The following KLHL1 variants were observed in gnomAD, a reference collection of about 807,000 sequenced individuals.
KLHL1 encodes kelch like family member 1.
In KLHL1, 47 loss-of-function variants were observed where a neutral mutation model predicts 77.7. The observed-to-expected ratio is 0.60, with a 90% CI of 0.48 to 0.77. KLHL1 has a LOEUF of 0.77. KLHL1 is among the 30% of genes least tolerant of loss of function. KLHL1 has a pLI of 0.00. For synonymous variants in KLHL1, 360 were observed against 325.2 expected (o/e 1.11, Z -1.15); for missense variants, 925 against 910.8 (o/e 1.02, Z -0.20).
At chr13:69,839,564 A>G (rs1263693000) in intron 5 of KLHL1, among the ~76,000 whole-genome samples, 4 of 152,010 alleles carry the variant, frequency 2.6e-5, no homozygotes, top group Admixed American at 2.6e-4. Flanking sequence ...AGCTTACTGT[A>G]AGTGTTCATA....
chr13:69,741,916 A>G (rs1053760803), intron 7 of KLHL1, among the ~76,000 whole-genome samples: 2 of 152,174 alleles, frequency 1.3e-5, no homozygotes, highest in Non-Finnish European at 2.9e-5. Flanking sequence ...CTATAAAACT[A>G]CTTTTTGAAA....
At chr13:69,775,258 A>AG (rs1206077121) in intron 7 of KLHL1, among the ~76,000 whole-genome samples, 7 of 152,266 alleles carry the variant, frequency 4.6e-5, no homozygotes, top group African/African-American at 1.7e-4. Flanking sequence ...AGATGGAGCA[A>AG]GGTTACACTG....
At chr13:70,074,891 AT>A (rs550370393) in intron 1 of KLHL1, among the ~76,000 whole-genome samples, 112 of 152,170 alleles carry the variant, frequency 7.4e-4, no homozygotes, top group African/African-American at 2.6e-3. Context: ...CTGTAGACAA[AT>A]TCCTATAATA....
intron 1 of KLHL1, among the ~76,000 whole-genome samples, chr13:70,031,978 G>A (rs1886112855): frequency 6.6e-6 from 1 of 152,092 alleles, no homozygotes; most frequent in Non-Finnish European, 1.5e-5. Flanking sequence ...ATGATATTTA[G>A]GTTGAGAAAG....
intron 1 of KLHL1, among the ~76,000 whole-genome samples, chr13:70,103,057 A>T (rs1188431209): frequency 6.6e-6 from 1 of 152,172 alleles, no homozygotes; most frequent in African/African-American, 2.4e-5. Context: ...TATTCTAAGA[A>T]GACAAAACAC....
In KLHL1 at chr13:69,867,543, C is replaced by T. The variant is rs573497609; in HGVS notation, c.1227+14740G>A. Among the ~76,000 whole-genome samples, 12 of 151,938 alleles carry T rather than the reference C, an allele frequency of 7.9e-5. No homozygotes were observed. In the East Asian group the frequency reaches 2.3e-3, roughly 30 times the overall value. On this transcript the variant is annotated intron_variant, in intron 5 of 10. Coordinates refer to ENST00000377844, the MANE Select transcript of KLHL1 (RefSeq NM_020866.3). ...AAAAAACAAATTTTCAGTCAGTTGA[C>T]ACTTGATAATTATTTTTTAAATGTT...
chr13:69,708,767 T>G (rs1593761373), intron 9 of KLHL1, among the ~76,000 whole-genome samples: 1 of 151,900 alleles, frequency 6.6e-6, no homozygotes, highest in East Asian at 1.9e-4. Flanking sequence ...CAATTGCAGG[T>G]TCAGATACAA....
Position 69,940,105 on chromosome 13 carries a change from T to A in KLHL1, c.949A>T (p.Ile317Phe). 1 of 1,613,218 alleles carries A rather than the reference T, an allele frequency of 6.2e-7. No individual in the cohort carries two copies. The highest frequency in any genetic ancestry group is 8.5e-7 in the Non-Finnish European group (1 of 1,179,562). Residue 317 changes from isoleucine (I) to phenylalanine (F), a missense_variant, in exon 4 of 11, where the codon ATT becomes TTT. By Grantham distance (21) the Ile-to-Phe change is conservative. Coordinates refer to ENST00000377844, the MANE Select transcript of KLHL1 (RefSeq NM_020866.3). ...KLLHPSNCLG[I>F]RAFADAQGCI... ...CCTTGAGCATCTGCGAAGGCTCGAA[T>A]TCCTAAACAGTTAGATGGATGCAAA...
chr13:69,982,430 C>T (rs951564739), intron 1 of KLHL1, among the ~76,000 whole-genome samples: 2 of 137,128 alleles, frequency 1.5e-5, no homozygotes, highest in Non-Finnish European at 3.1e-5. Flanking sequence ...AGCAAGACTC[C>T]ATCTCCAAAT....
At position 70,108,131 on chromosome 13, in the gene KLHL1, C is replaced by T. The variant is rs1477852677; in HGVS notation, c.-432G>A. 3 of 404,014 alleles carry T rather than the reference C, an allele frequency of 7.4e-6. No individual in the cohort carries two copies. The highest frequency in any genetic ancestry group is 1.3e-5 in the Non-Finnish European group (3 of 229,538). 25.0% of individuals were successfully genotyped at this position (404,014 alleles called of 1,614,324 possible). On this transcript the variant is annotated 5_prime_UTR_variant, in exon 1 of 11. Transcript: ENST00000377844. ...TCACTGGGATGCGCTTGTGGCAGAG[C>T]CTTAGTAGGGAAGGTGGTGGCGTTC... is the stretch of plus-strand genomic sequence containing the variant.
intron 1 of KLHL1, among the ~76,000 whole-genome samples, chr13:70,061,388 T>C (rs1394001530): frequency 7.3e-6 from 1 of 136,234 alleles, no homozygotes; most frequent in Non-Finnish European, 1.6e-5. Context: ...AATTTTCTTT[T>C]ATTTTGGGTT....
intron 2 of KLHL1, among the ~76,000 whole-genome samples, chr13:69,968,223 A>AT (rs1269858183): frequency 6.6e-6 from 1 of 152,032 alleles, no homozygotes; most frequent in Admixed American, 6.6e-5. Flanking sequence ...GATTGTTAGC[A>AT]TTTTTTAGCA....
chr13:69,963,090 C>A (rs1168093808), intron 2 of KLHL1, among the ~76,000 whole-genome samples: 1 of 151,936 alleles, frequency 6.6e-6, no homozygotes, highest in Non-Finnish European at 1.5e-5. Context: ...GAGACAGTAT[C>A]TCTTTCTGTT....
chr13:69,833,768 C>T (rs55958087), intron 6 of KLHL1, among the ~76,000 whole-genome samples: 8,278 of 126,940 alleles, frequency 0.065, 352 homozygotes, highest in African/African-American at 0.14. Flanking sequence ...TATATATATA[C>T]ATACATACAT....
At chr13:69,820,116 C>T (rs948979180) in intron 6 of KLHL1, among the ~76,000 whole-genome samples, 2 of 152,144 alleles carry the variant, frequency 1.3e-5, no homozygotes, top group African/African-American at 4.8e-5. Flanking sequence ...CAGGGCCCAT[C>T]AGCCCCATAC....
chr13:70,053,861 T>G (rs559073499), intron 1 of KLHL1, among the ~76,000 whole-genome samples: 8 of 152,230 alleles, frequency 5.3e-5, no homozygotes, highest in Non-Finnish European at 1.0e-4. Context: ...AACCCCAACC[T>G]GCCTACTCCT....
intron 5 of KLHL1, 148 bp from the exon 6 acceptor site, chr13:69,839,310 T>C (rs1879150763): frequency 6.7e-6 from 3 of 450,518 alleles, no homozygotes; most frequent in African/African-American, 6.1e-5. Context: ...CAGTAACAAA[T>C]AAAAATGTAT....
chr13:70,053,727 C>A (rs1041270941), intron 1 of KLHL1, among the ~76,000 whole-genome samples: 3 of 152,008 alleles, frequency 2.0e-5, no homozygotes, highest in Non-Finnish European at 2.9e-5. Context: ...TTGTTGTAAA[C>A]CTCTACATAA....
intron 4 of KLHL1, among the ~76,000 whole-genome samples, chr13:69,918,347 G>A (rs569504448): frequency 4.0e-5 from 6 of 151,756 alleles, no homozygotes; most frequent in East Asian, 3.9e-4. Context: ...AAAACATTAC[G>A]AAGAGTGATT....
Sources: gnomAD v4.1 joint callset for allele counts (sites outside exome capture counted in the v4.1 genomes callset) on GRCh38, gnomAD v4.1.1 for gene constraint, MANE v1.5 for transcripts, NCBI Gene and HGNC (gene_info 2026-07-23, HGNC 2026-07-21) for gene names.